CDH12: variants seen among roughly 807,000 people sequenced by gnomAD.
CDH12 encodes cadherin 12.
A neutral mutation model predicts 74.1 loss-of-function variants in CDH12; 41 were observed. The ratio of observed to expected loss-of-function variants is 0.55; its 90% CI spans 0.43 to 0.72. CDH12 has a LOEUF of 0.72. Among genes scored for constraint, CDH12 ranks in the 30% least tolerant of loss-of-function variants. The probability of loss-of-function intolerance (pLI) is 0.00; values close to 1 mark genes in which losing one functional copy is unlikely to be tolerated. For synonymous variants in CDH12, 399 were observed against 355.0 expected (o/e 1.12, Z -1.39); for missense variants, 945 against 977.2 (o/e 0.97, Z 0.44).
intron 3 of CDH12, among the ~76,000 whole-genome samples, chr5:22,221,579 C>T (rs1471256649): frequency 6.6e-6 from 1 of 151,798 alleles, no homozygotes; most frequent in African/African-American, 2.4e-5. Flanking sequence ...GATTTATGAA[C>T]TTGGGCTGCT....
At chr5:22,019,392 G>C (rs1423560758) in intron 5 of CDH12, among the ~76,000 whole-genome samples, 1 of 152,030 alleles carries the variant, frequency 6.6e-6, no homozygotes, top group Non-Finnish European at 1.5e-5. Flanking sequence ...AACATCACTT[G>C]GTCCAAATGT....
intron 4 of CDH12, among the ~76,000 whole-genome samples, chr5:22,082,684 A>G (rs1408287900): frequency 6.6e-6 from 1 of 152,222 alleles, no homozygotes; most frequent in African/African-American, 2.4e-5. Flanking sequence ...TTCATAAGCT[A>G]ATTCACCAAC....
chr5:22,599,093 G>A (rs1736732148), intron 1 of CDH12, among the ~76,000 whole-genome samples: 1 of 152,050 alleles, frequency 6.6e-6, no homozygotes, highest in Non-Finnish European at 1.5e-5. Flanking sequence ...ATGAGATGTA[G>A]GCCCACACAT....
At chr5:22,754,396 G>A (rs1449844629) in intron 1 of CDH12, among the ~76,000 whole-genome samples, 2 of 152,156 alleles carry the variant, frequency 1.3e-5, no homozygotes, top group Non-Finnish European at 2.9e-5. Flanking sequence ...ATTGAGACAA[G>A]TGAACAGGCA....
chr5:22,009,232 G>A (rs541830422), intron 5 of CDH12, among the ~76,000 whole-genome samples: 22 of 152,254 alleles, frequency 1.4e-4, no homozygotes, highest in African/African-American at 4.3e-4. Context: ...ATGAATAAGC[G>A]AAACAGAATT....
At chr5:22,244,388 G>A (rs1242276602) in intron 3 of CDH12, among the ~76,000 whole-genome samples, 1 of 150,636 alleles carries the variant, frequency 6.6e-6, no homozygotes, top group African/African-American at 2.4e-5. Context: ...CCAGCTACTA[G>A]GGAGGATGAG....
At chr5:22,534,509 T>C (rs1737738939) in intron 1 of CDH12, among the ~76,000 whole-genome samples, 1 of 152,182 alleles carries the variant, frequency 6.6e-6, no homozygotes, top group South Asian at 2.1e-4. Context: ...TCATCCAGGT[T>C]GCTGCGAATG....
chr5:22,703,024 A>G (rs116573364), intron 1 of CDH12, among the ~76,000 whole-genome samples: 85 of 152,148 alleles, frequency 5.6e-4, no homozygotes, highest in African/African-American at 2.0e-3. Flanking sequence ...TCTCCTCTCA[A>G]TGTTTCATTA....
chr5:22,070,329 T>G (rs1228436696), intron 5 of CDH12, among the ~76,000 whole-genome samples: 3 of 152,182 alleles, frequency 2.0e-5, no homozygotes, highest in Non-Finnish European at 4.4e-5. Flanking sequence ...ATTTGGTGAT[T>G]AAACATGGTT....
intron 2 of CDH12, among the ~76,000 whole-genome samples, chr5:22,425,203 A>C (rs910560559): frequency 4.8e-5 from 7 of 144,498 alleles, no homozygotes; most frequent in Non-Finnish European, 1.1e-4. Context: ...CTTTCCTTTT[A>C]AATAAATGCA....
At chr5:22,289,819 C>T (rs1484035205) in intron 3 of CDH12, among the ~76,000 whole-genome samples, 2 of 152,132 alleles carry the variant, frequency 1.3e-5, no homozygotes, top group African/African-American at 4.8e-5. Flanking sequence ...AGCACATTAT[C>T]ATGCCCCATA....
In CDH12 at chr5:22,016,134, T is replaced by G. The variant is rs191972099; in HGVS notation, c.232-40749A>C. Among the ~76,000 whole-genome samples, 327 of 152,242 alleles carry G rather than the reference T, an allele frequency of 2.1e-3. 8 individuals carry two copies. The highest frequency in any genetic ancestry group is 3.5e-4 in the Non-Finnish European group (24 of 68,014). ...TTGTTTTGAAATTGCCATTCACTGA[T>G]ATTTGGGGATCACTGAATACATTAG... is the stretch of plus-strand genomic sequence containing the variant. On this transcript the variant is annotated intron_variant, in intron 5 of 14. Transcript: ENST00000382254.
chr5:21,908,740 A>C (rs1015194926), intron 6 of CDH12, among the ~76,000 whole-genome samples: 1 of 152,168 alleles, frequency 6.6e-6, no homozygotes, highest in African/African-American at 2.4e-5. Flanking sequence ...AGGCGTGCTC[A>C]TCTTCAATAC....
intron 3 of CDH12, among the ~76,000 whole-genome samples, chr5:22,253,159 TA>T (rs1753189765): frequency 6.6e-6 from 1 of 151,936 alleles, no homozygotes; most frequent in Admixed American, 6.6e-5. Flanking sequence ...ATATGCAATA[TA>T]ATATACTAAT....
intron 5 of CDH12, among the ~76,000 whole-genome samples, chr5:22,024,189 T>C (rs149387625): frequency 9.8e-5 from 15 of 152,338 alleles, no homozygotes; most frequent in Admixed American, 7.8e-4. Flanking sequence ...TGACTACATA[T>C]ACGGAAGATA....
intron 1 of CDH12, among the ~76,000 whole-genome samples, chr5:22,587,828 A>G (rs1280229190): frequency 6.6e-6 from 1 of 151,018 alleles, no homozygotes; most frequent in Non-Finnish European, 1.5e-5. Flanking sequence ...AGCATTTTAT[A>G]GAGAACTTTT....
chr5:22,395,338 T>C (rs957028782), intron 3 of CDH12, among the ~76,000 whole-genome samples: 1 of 152,100 alleles, frequency 6.6e-6, no homozygotes, highest in Non-Finnish European at 1.5e-5. Flanking sequence ...AAGAGAAGCA[T>C]TTTCCCATTC....
At chr5:22,569,481 CTT>C (rs1311314560) in intron 1 of CDH12, among the ~76,000 whole-genome samples, 1 of 152,184 alleles carries the variant, frequency 6.6e-6, no homozygotes, top group Admixed American at 6.5e-5. Flanking sequence ...AATTAAACCT[CTT>C]TTCATTATAA....
At chr5:22,338,233 T>C (rs1417893980) in intron 3 of CDH12, among the ~76,000 whole-genome samples, 1 of 152,130 alleles carries the variant, frequency 6.6e-6, no homozygotes, top group Admixed American at 6.5e-5. Flanking sequence ...AGTACTATTA[T>C]TCAGCCCTAA....
Sources: allele counts gnomAD v4.1 joint callset (sites outside exome capture counted in the v4.1 genomes callset), GRCh38; gene constraint gnomAD v4.1.1; transcripts MANE v1.5; gene names NCBI Gene and HGNC (gene_info 2026-07-23, HGNC 2026-07-21).